Variants in PRRC2B observed in about 807,000 individuals in gnomAD.
PRRC2B encodes the protein protein PRRC2B.
PRRC2B carries 68 observed loss-of-function variants against 242.3 expected under a neutral mutation model. The ratio of observed to expected loss-of-function variants is 0.28; its 90% CI spans 0.23 to 0.34. PRRC2B has a LOEUF of 0.34. Ranked by LOEUF, PRRC2B falls within the 10% of genes least tolerant of loss-of-function variation. The pLI is 1.00. For synonymous variants in PRRC2B, 1,228 were observed against 1,173.6 expected (o/e 1.05, Z -0.95); for missense variants, 2,835 against 2,954.8 (o/e 0.96, Z 0.94).
chr9:131,480,095 C>T (rs985976877), intron 19 of PRRC2B, among the ~76,000 whole-genome samples: 2 of 152,166 alleles, frequency 1.3e-5, no homozygotes, highest in Non-Finnish European at 2.9e-5. Context: ...TTTCACAGCT[C>T]AGGCCCATGA....
At position 131,447,823 on chromosome 9, in the gene PRRC2B, G is replaced by T. The variant is rs555083855; in HGVS notation, c.1120+19G>T. The T allele has an allele frequency of 6.2e-7, 1 of 1,605,846 alleles. No individual in the cohort carries two copies. Among genetic ancestry groups the T allele is most frequent in the Middle Eastern group, 1.9e-4 (1 of 5,340 alleles). ...TGGGCAGGTGGGCAGAGAAGCACGG[G>T]TGGTTTAGACGGGCAGGACCAAAGT... On this transcript the variant is annotated intron_variant, in intron 9 of 31. Transcript: ENST00000683519.
At chr9:131,420,507 T>TCTTTCTTTCTTTCTTTCTTTC in intron 1 of PRRC2B, among the ~76,000 whole-genome samples, 1 of 126,550 alleles carries the variant, frequency 7.9e-6, no homozygotes, top group African/African-American at 3.1e-5. Context: ...TTTTTTTTTT[T>TCTTTCTTTCTTTCTTTCTTTC]TTTGAGATGG....
intron 1 of PRRC2B, among the ~76,000 whole-genome samples, chr9:131,386,015 C>G: frequency 6.6e-6 from 1 of 150,448 alleles, no homozygotes; most frequent in Non-Finnish European, 1.5e-5. Flanking sequence ...GTTGTCATCT[C>G]AGAGAGAAGT....
intron 1 of PRRC2B, among the ~76,000 whole-genome samples, chr9:131,424,323 T>A (rs1302547000): frequency 6.6e-6 from 1 of 152,144 alleles, no homozygotes; most frequent in Non-Finnish European, 1.5e-5. Flanking sequence ...AGGCCACTCC[T>A]TCAGTAGATG....
In PRRC2B at chr9:131,478,521, G is replaced by A. The variant is rs754838925; in HGVS notation, c.4660G>A (p.Val1554Met). 2 of 1,613,522 alleles carry A rather than the reference G, an allele frequency of 1.2e-6. No individual in the cohort carries two copies. Among genetic ancestry groups the A allele is most frequent in the African/African-American group, 1.3e-5 (1 of 74,946 alleles). ...CGSSPGEESE[V>M]GSMVGEGFIE... is the part of the protein sequence containing the mutation. ...GTCCAGCCCCGGGGAGGAGAGTGAG[G>A]TGGGTTCTATGGTGGGCGAAGGCTT... The change falls in exon 18 of 32, where the codon GTG (valine) becomes ATG (methionine). Residue 1554 changes from valine to methionine, a missense_variant. By Grantham distance (21) the Val-to-Met change is conservative (BLOSUM62 1). Coordinates refer to ENST00000683519, the MANE Select transcript of PRRC2B (RefSeq NM_013318.4).
intron 1 of PRRC2B, among the ~76,000 whole-genome samples, chr9:131,404,468 C>T (rs1415045880): frequency 1.3e-5 from 2 of 152,018 alleles, no homozygotes; most frequent in East Asian, 1.9e-4. Flanking sequence ...GCGAGCCACC[C>T]GCCTCAGCCT....
At chr9:131,456,447 C>T (rs1024758206) in intron 10 of PRRC2B, among the ~76,000 whole-genome samples, 23 of 151,780 alleles carry the variant, frequency 1.5e-4, no homozygotes, top group Middle Eastern at 3.4e-3. Flanking sequence ...CTGGCTAACA[C>T]AGTGAAACCC....
At position 131,481,819 on chromosome 9, in the gene PRRC2B, C is replaced by A; in HGVS notation, c.4983+11C>A. 1.9e-6 allele frequency: 3 copies of A among 1,548,922 alleles called. No individual in the cohort carries two copies. Among genetic ancestry groups the A allele is most frequent in the Non-Finnish European group, 2.6e-6 (3 of 1,149,232 alleles). ...ACTGGCTCTGCGGAGGTGAGTGTGG[C>A]CGCTGCCCACATGCTGCCCCTGGGA... is the stretch of plus-strand genomic sequence containing the variant. On this transcript the variant is annotated intron_variant, in intron 20 of 31. Transcript: ENST00000683519.
chr9:131,441,548 G>A (rs1329412055), intron 5 of PRRC2B, among the ~76,000 whole-genome samples: 1 of 152,110 alleles, frequency 6.6e-6, no homozygotes, highest in Non-Finnish European at 1.5e-5. Flanking sequence ...AAAAAACAAA[G>A]AAAATAATTG....
At chr9:131,473,336 G>A (rs12553392) in intron 14 of PRRC2B, among the ~76,000 whole-genome samples, 172 bp from the exon 15 acceptor site, 21,094 of 152,194 alleles carry the variant, frequency 0.14, 1,636 homozygotes, top group African/African-American at 0.15. Context: ...TGTGCCTTCA[G>A]AGGTCCTCAG....
intron 2 of PRRC2B, among the ~76,000 whole-genome samples, chr9:131,431,583 G>T (rs1248075512): frequency 7.2e-6 from 1 of 138,604 alleles, no homozygotes; most frequent in Non-Finnish European, 1.6e-5. Flanking sequence ...CCTTAATAAA[G>T]AATTTTTTTT....
In PRRC2B at chr9:131,498,383, G is replaced by C. The variant is rs10435973; in HGVS notation, c.*2509G>C. 0.98 allele frequency: 149,051 copies of C among 152,350 alleles called. 73,006 individuals are homozygous for C. Among genetic ancestry groups the C allele is most frequent in the East Asian group, 1 (5,173 of 5,174 alleles). 9.4% of individuals were successfully genotyped at this position (152,350 alleles called of 1,614,324 possible). On this transcript the variant is annotated 3_prime_UTR_variant, in exon 32 of 32. Coordinates refer to ENST00000683519, the MANE Select transcript of PRRC2B (RefSeq NM_013318.4). Reference sequence around the variant, plus strand: ...GTGAAGTTCGGTGCAGTCACCACCTGTGTGTGACCTGAGCTGCAGTCTCTT... The same window carrying C: ...GTGAAGTTCGGTGCAGTCACCACCTCTGTGTGACCTGAGCTGCAGTCTCTT...
chr9:131,385,366 G>C (rs1836813749), intron 1 of PRRC2B, among the ~76,000 whole-genome samples: 1 of 149,598 alleles, frequency 6.7e-6, no homozygotes, highest in African/African-American at 2.4e-5. Context: ...TTTCCTTCAG[G>C]GTCCCCCAAA....
chr9:131,493,240 C>T (rs528173689), intron 30 of PRRC2B, among the ~76,000 whole-genome samples: 1 of 152,362 alleles, frequency 6.6e-6, no homozygotes, highest in East Asian at 1.9e-4. Flanking sequence ...AGATTTTCCT[C>T]CCATTCCATC....
chr9:131,484,881 A>G, intron 24 of PRRC2B, 67 bp from the exon 25 acceptor site: 1 of 1,571,572 alleles, frequency 6.4e-7, no homozygotes, highest in Non-Finnish European at 8.7e-7. Flanking sequence ...CCTAAAGCTT[A>G]GATTGGCTCT....
chr9:131,451,254 C>G (rs1253202029), intron 9 of PRRC2B, among the ~76,000 whole-genome samples: 1 of 152,122 alleles, frequency 6.6e-6, no homozygotes, highest in Admixed American at 6.5e-5. Context: ...AAAAAATTAG[C>G]CGGGCGTGTT....
chr9:131,487,212 C>G lies in PRRC2B; in HGVS notation c.5902C>G (p.Gln1968Glu). The change falls in exon 27 of 32, where the codon CAG (glutamine) becomes GAG (glutamate). Residue 1968 changes from glutamine (Q) to glutamate (E), a missense_variant. Transcript: ENST00000683519. This position sits in a 1 kb window ranked among gnomAD's most constrained non-coding sequence, Gnocchi z 5.3. ...QIPISLHTSL[Q>E]AQAQLGLRGG... ...CCCGATCTCCCTTCACACATCTCTG[C>G]AGGCACAAGCTCAGCTTGGACTGAG... The G allele has an allele frequency of 6.2e-7, 1 of 1,613,680 alleles. No individual in the cohort carries two copies. The highest frequency in any genetic ancestry group is 8.5e-7 in the Non-Finnish European group (1 of 1,179,640).
chr9:131,399,882 C>T (rs986568211), intron 1 of PRRC2B, among the ~76,000 whole-genome samples: 3 of 152,126 alleles, frequency 2.0e-5, no homozygotes, highest in Non-Finnish European at 4.4e-5. Flanking sequence ...ATTATTGTTG[C>T]CCTCTTTTCC....
At chr9:131,414,657 A>G (rs972578678) in intron 1 of PRRC2B, among the ~76,000 whole-genome samples, 3 of 147,678 alleles carry the variant, frequency 2.0e-5, no homozygotes, top group African/African-American at 7.5e-5. Flanking sequence ...TGCAACCTCT[A>G]CCTCCCGGGT....
Sources: allele counts gnomAD v4.1 joint callset (sites outside exome capture counted in the v4.1 genomes callset), GRCh38; gene constraint gnomAD v4.1.1; non-coding constraint Gnocchi (gnomAD v3.1); transcripts MANE v1.5; gene names NCBI Gene and HGNC (gene_info 2026-07-23, HGNC 2026-07-21).